Variants in STPG2 observed in about 807,000 individuals in gnomAD.
The protein encoded by STPG2 is sperm-tail PG-rich repeat-containing protein 2.
A neutral mutation model predicts 54.2 loss-of-function variants in STPG2; 56 were observed. The observed-to-expected ratio is 1.03, with a 90% CI of 0.83 to 1.29. The LOEUF is 1.29. STPG2 is among the 50% of genes most tolerant of loss of function. The pLI, the probability that STPG2 is intolerant of heterozygous loss-of-function variation, is 0.00. For missense variants in STPG2, 596 were observed against 544.9 expected, an observed-to-expected ratio of 1.09 and a Z score of -0.93; for synonymous variants, 200 against 181.8, an observed-to-expected ratio of 1.10 and a Z score of -0.81.
intron 8 of STPG2, among the ~76,000 whole-genome samples, chr4:97,940,983 T>C (rs1426048713): frequency 6.6e-6 from 1 of 152,142 alleles, no homozygotes; most frequent in Non-Finnish European, 1.5e-5. Flanking sequence ...ACTCCACATA[T>C]GAAGACATAG....
chr4:97,686,656 T>C (rs1723197236), intron 10 of STPG2, among the ~76,000 whole-genome samples: 1 of 152,132 alleles, frequency 6.6e-6, no homozygotes, highest in Non-Finnish European at 1.5e-5. Flanking sequence ...CTTTAAATTC[T>C]GACAATGTTA....
chr4:97,555,978 C>T (rs1169097796), downstream of STPG2, among the ~76,000 whole-genome samples: 1 of 152,006 alleles, frequency 6.6e-6, no homozygotes, highest in African/African-American at 2.4e-5. Flanking sequence ...AAATGTTTTA[C>T]CATAACACAT....
At chr4:97,789,667 T>A (rs2149079390) in intron 9 of STPG2, among the ~76,000 whole-genome samples, 1 of 152,304 alleles carries the variant, frequency 6.6e-6, no homozygotes, top group East Asian at 1.9e-4. Flanking sequence ...TAAAATTAAG[T>A]CTCAGTTTTA....
At chr4:97,945,073 G>A (rs115957228) in intron 7 of STPG2, among the ~76,000 whole-genome samples, 18 of 151,936 alleles carry the variant, frequency 1.2e-4, no homozygotes, top group Non-Finnish European at 2.5e-4. Context: ...TTTTTATTTC[G>A]ATAGCTTTTG....
intron 10 of STPG2, among the ~76,000 whole-genome samples, chr4:97,610,290 T>C (rs1340485609): frequency 6.6e-6 from 1 of 152,038 alleles, no homozygotes; most frequent in East Asian, 1.9e-4. Flanking sequence ...GTCAATCAAA[T>C]CTTAATGCAT....
At chr4:97,774,159 C>T (rs1033404175) in intron 9 of STPG2, among the ~76,000 whole-genome samples, 1 of 152,052 alleles carries the variant, frequency 6.6e-6, no homozygotes, top group African/African-American at 2.4e-5. Flanking sequence ...TGTAGCAGTC[C>T]TCAAGATTTG....
chr4:97,903,777 C>T (rs1731274970), intron 8 of STPG2, among the ~76,000 whole-genome samples: 1 of 152,200 alleles, frequency 6.6e-6, no homozygotes, highest in Non-Finnish European at 1.5e-5. Flanking sequence ...CGAGACATTG[C>T]CTCACTCGGG....
intron 7 of STPG2, among the ~76,000 whole-genome samples, chr4:97,960,714 G>A (rs942840703): frequency 2.0e-5 from 3 of 152,020 alleles, no homozygotes; most frequent in Non-Finnish European, 4.4e-5. Flanking sequence ...AAAACAAATA[G>A]AAACACATCC....
chr4:97,821,345 G>A (rs566066765), intron 9 of STPG2, among the ~76,000 whole-genome samples: 1 of 152,214 alleles, frequency 6.6e-6, no homozygotes, highest in Admixed American at 6.5e-5. Flanking sequence ...CTAGACCTTG[G>A]GCAACTCTGC....
chr4:97,488,599 T>C (rs1035413106), intron 4 of STPG2, among the ~76,000 whole-genome samples: 8 of 151,240 alleles, frequency 5.3e-5, no homozygotes, highest in Non-Finnish European at 1.0e-4. Flanking sequence ...GTGAGAGGAG[T>C]GGGTAAGTAG....
At chr4:98,011,746 C>G (rs967516254) in intron 5 of STPG2, among the ~76,000 whole-genome samples, 4 of 152,210 alleles carry the variant, frequency 2.6e-5, no homozygotes, top group Non-Finnish European at 5.9e-5. Context: ...TTGTTGGCTG[C>G]ATAAATGTCT....
rs933077861 is a variant in STPG2 at position 97,454,241 on chromosome 4, C to T, written c.462+258458G>A. 1.4e-4 allele frequency among the ~76,000 whole-genome samples: 21 copies of T among 151,978 alleles called. No individual in the cohort carries two copies. In the East Asian group the frequency reaches 1.7e-3, roughly 13 times the overall value. ...CAACAGAAAAGGGATTCGCCGGGCACGGTGGCTAACGCCTGTAATCCCAGC... is the reference window on the plus strand; with the variant it reads ...CAACAGAAAAGGGATTCGCCGGGCATGGTGGCTAACGCCTGTAATCCCAGC... On this transcript the variant is annotated intron_variant, in intron 4 of 4. Transcript: ENST00000522676.
At chr4:97,971,280 G>C (rs1734315665) in intron 7 of STPG2, among the ~76,000 whole-genome samples, 1 of 152,150 alleles carries the variant, frequency 6.6e-6, no homozygotes, top group African/African-American at 2.4e-5. Flanking sequence ...AATACCATTT[G>C]ACCCAGCAAT....
chr4:97,491,723 A>C (rs977608449), intron 4 of STPG2, among the ~76,000 whole-genome samples: 7 of 151,594 alleles, frequency 4.6e-5, no homozygotes, highest in Non-Finnish European at 1.0e-4. Context: ...TAAGGAAGAA[A>C]GTCAGATAGG....
chr4:98,118,540 A>T (rs561294754), intron 3 of STPG2, among the ~76,000 whole-genome samples: 8 of 152,182 alleles, frequency 5.3e-5, no homozygotes, highest in Admixed American at 2.0e-4. Flanking sequence ...ATATGTATAA[A>T]CTCACAGGTT....
chr4:97,910,642 C>T (rs907109431), intron 8 of STPG2, among the ~76,000 whole-genome samples: 2 of 151,902 alleles, frequency 1.3e-5, no homozygotes, highest in African/African-American at 4.8e-5. Flanking sequence ...TTTCATAACA[C>T]GATACTGAAA....
At chr4:97,773,267 CATT>C (rs1177015710) in intron 9 of STPG2, among the ~76,000 whole-genome samples, 2 of 151,990 alleles carry the variant, frequency 1.3e-5, no homozygotes, top group Non-Finnish European at 2.9e-5. Context: ...AACCAAATTA[CATT>C]ATTGGTGCTA....
downstream of STPG2, among the ~76,000 whole-genome samples, chr4:97,554,243 T>C (rs1732030030): frequency 6.6e-6 from 1 of 152,138 alleles, no homozygotes; most frequent in African/African-American, 2.4e-5. Flanking sequence ...GCAGTGAGTA[T>C]GACTTATGGC....
In STPG2 at chr4:98,056,462, C is replaced by G. The variant is rs560482305; in HGVS notation, c.612+49491G>C. 7.9e-5 allele frequency among the ~76,000 whole-genome samples: 12 copies of G among 152,306 alleles called. No homozygotes were observed. In the South Asian group the frequency reaches 2.1e-3, roughly 26 times the overall value. On this transcript the variant is annotated intron_variant, in intron 5 of 10. Transcript: ENST00000295268. ...CTTGGTGCCCCCAGCGCAGTGAACT[C>G]TAAGCCTCAACAAGCCAGAGAACAA...
Sources: gnomAD v4.1 joint callset for allele counts (sites outside exome capture counted in the v4.1 genomes callset) on GRCh38, gnomAD v4.1.1 for gene constraint, MANE v1.5 for transcripts, NCBI Gene and HGNC (gene_info 2026-07-23, HGNC 2026-07-21) for gene names.